Variants in ODR4 observed in about 807,000 individuals in gnomAD.
ODR4 encodes protein odr-4 homolog.
Under a neutral mutation model 60.2 loss-of-function variants are expected in ODR4, and 47 were observed. That is an observed-to-expected ratio of 0.78 (90% confidence interval 0.62 to 1.00). The LOEUF (loss-of-function observed/expected upper bound fraction) is 1.00, where lower values mean the gene tolerates loss of function less well. Among genes scored for constraint, ODR4 ranks in the 50% least tolerant of loss-of-function variants. ODR4 has a pLI of 0.00. For missense variants in ODR4, 488 were observed against 530.8 expected, an observed-to-expected ratio of 0.92 and a Z score of 0.79; for synonymous variants, 178 against 175.5, an observed-to-expected ratio of 1.01 and a Z score of -0.11.
chr1:186,419,299 T>G lies in ODR4; in HGVS notation c.*223T>G, dbSNP rs1661697233. 1 of 548,480 alleles carries G rather than the reference T, an allele frequency of 1.8e-6. No individual in the cohort carries two copies. 34.0% of individuals were successfully genotyped at this position (548,480 alleles called of 1,614,324 possible). A position where few individuals can be genotyped will look rare whatever the true frequency, so the allele number is the denominator to read the frequency against. On this transcript the variant is annotated 3_prime_UTR_variant, in exon 14 of 14. Coordinates refer to ENST00000287859, the MANE Select transcript of ODR4 (RefSeq NM_017847.6). ...ATTTCCAGAAATAACGTTATGCATCTAGATGGAAGCTGCATGTAACAAATC... is the reference window on the plus strand; with the variant it reads ...ATTTCCAGAAATAACGTTATGCATCGAGATGGAAGCTGCATGTAACAAATC...
chr1:186,403,345 T>C (rs1242531167), intron 11 of ODR4, among the ~76,000 whole-genome samples: 1 of 152,028 alleles, frequency 6.6e-6, no homozygotes, highest in South Asian at 2.1e-4. Context: ...AAAATAATCA[T>C]CATGGAGAAT....
At chr1:186,389,904 C>A (rs868003443) in intron 6 of ODR4, among the ~76,000 whole-genome samples, 5 of 152,224 alleles carry the variant, frequency 3.3e-5, no homozygotes, top group Non-Finnish European at 4.4e-5. Context: ...CCTCCCACCT[C>A]AGCCTCTTGA....
chr1:186,394,144 T>A, intron 9 of ODR4, 129 bp downstream of exon 9: 1 of 591,994 alleles, frequency 1.7e-6, no homozygotes, highest in Non-Finnish European at 2.9e-6. Context: ...AAATGGCTGG[T>A]TATAGGAAGG....
chr1:186,396,640 C>CA (rs1381461849), intron 9 of ODR4, among the ~76,000 whole-genome samples: 4 of 151,000 alleles, frequency 2.6e-5, no homozygotes, highest in African/African-American at 7.3e-5. Context: ...ACCAACCAAC[C>CA]AAAAAAATAC....
At chr1:186,389,498 G>T (rs893585660) in intron 5 of ODR4, 90 bp from the exon 6 acceptor site, 2 of 982,122 alleles carry the variant, frequency 2.0e-6, no homozygotes, top group Non-Finnish European at 1.5e-6. Flanking sequence ...TTTTGGATGC[G>T]TGCATTTTTT....
At chr1:186,398,523 T>C in intron 10 of ODR4, 82 bp downstream of exon 10, 1 of 1,333,662 alleles carries the variant, frequency 7.5e-7, no homozygotes, top group Non-Finnish European at 1.0e-6. Context: ...TAATCTTATA[T>C]TTTGTAATTA....
intron 9 of ODR4, among the ~76,000 whole-genome samples, chr1:186,395,090 G>C (rs1256655969): frequency 6.6e-6 from 1 of 152,104 alleles, no homozygotes; most frequent in African/African-American, 2.4e-5. Flanking sequence ...ATTTATTGTA[G>C]TAGTAATATT....
At position 186,398,850 on chromosome 1, in the gene ODR4, G is replaced by A. The variant is rs543281497; in HGVS notation, c.910-104G>A. On this transcript the variant is annotated intron_variant, in intron 10 of 13. Coordinates refer to ENST00000287859, the MANE Select transcript of ODR4 (RefSeq NM_017847.6). ...TGAATGATGTATCAGTTATTTAGTG[G>A]GCATGATTGTACTGGAAAGCAAATT... The A allele has an allele frequency of 6.9e-5, 48 of 699,676 alleles. 1 individual carries two copies. Among genetic ancestry groups the A allele is most frequent in the African/African-American group, 5.1e-4 (28 of 54,664 alleles). 43.3% of individuals were successfully genotyped at this position (699,676 alleles called of 1,614,324 possible).
At chr1:186,403,564 G>T (rs1040917662) in intron 11 of ODR4, among the ~76,000 whole-genome samples, 1 of 151,694 alleles carries the variant, frequency 6.6e-6, no homozygotes, top group African/African-American at 2.4e-5. Flanking sequence ...GCATGAGGAA[G>T]TCTGTTAAGG....
intron 12 of ODR4, among the ~76,000 whole-genome samples, chr1:186,411,309 T>C (rs1228142710): frequency 2.6e-5 from 4 of 152,162 alleles, no homozygotes; most frequent in Admixed American, 2.0e-4. Context: ...GTACTACTTC[T>C]ATGTTTCACT....
At chr1:186,418,861 T>C (rs1330297604) in intron 13 of ODR4, 148 bp from the exon 14 acceptor site, 2 of 638,864 alleles carry the variant, frequency 3.1e-6, no homozygotes, top group East Asian at 5.5e-5. Context: ...TGCCTTTTAG[T>C]ATATACATAT....
At position 186,418,991 on chromosome 1, in the gene ODR4, T is replaced by C. The variant is rs903000650; in HGVS notation, c.1298-18T>C. The C allele has an allele frequency of 1.3e-6, 2 of 1,593,622 alleles. No homozygotes were observed. Among genetic ancestry groups the C allele is most frequent in the Middle Eastern group, 1.7e-4 (1 of 6,030 alleles). ...GCTCATTCCATTTTCATTTGTTCTG[T>C]GTTTGTTTTACTTTTAGGTGTGATT... On this transcript the variant is annotated intron_variant, in intron 13 of 13. Transcript: ENST00000287859.
At chr1:186,398,776 A>G (rs1479695579) in intron 10 of ODR4, among the ~76,000 whole-genome samples, 178 bp from the exon 11 acceptor site, 1 of 152,240 alleles carries the variant, frequency 6.6e-6, no homozygotes, top group Non-Finnish European at 1.5e-5. Flanking sequence ...ATTTATCATT[A>G]AACTATAAAT....
intron 3 of ODR4, among the ~76,000 whole-genome samples, 161 bp downstream of exon 3, chr1:186,383,317 A>T (rs546934382): frequency 6.6e-6 from 1 of 152,240 alleles, no homozygotes; most frequent in Non-Finnish European, 1.5e-5. Context: ...TGTTGGCATT[A>T]CACGAGGAAG....
At chr1:186,409,450 T>A (rs888384927) in intron 12 of ODR4, among the ~76,000 whole-genome samples, 2 of 152,268 alleles carry the variant, frequency 1.3e-5, no homozygotes, top group African/African-American at 4.8e-5. Context: ...ATTCAGTAGA[T>A]ATTTGTTGAC....
the ODR4 span, among the ~76,000 whole-genome samples, chr1:186,430,154 A>C: frequency 6.6e-6 from 1 of 152,034 alleles, no homozygotes; most frequent in Admixed American, 6.5e-5. Context: ...TCATAAGGAC[A>C]CATAGAGTAG....
intron 12 of ODR4, among the ~76,000 whole-genome samples, chr1:186,411,235 T>A (rs1230750445): frequency 1.3e-5 from 2 of 152,094 alleles, no homozygotes; most frequent in Non-Finnish European, 2.9e-5. Context: ...TTTCAGAATT[T>A]AAAAAAATCT....
chr1:186,415,476 G>T (rs1300352114), intron 12 of ODR4, among the ~76,000 whole-genome samples: 3 of 151,934 alleles, frequency 2.0e-5, no homozygotes, highest in Non-Finnish European at 2.9e-5. Context: ...TGGGGGTGAG[G>T]GTAAATAAAC....
intron 12 of ODR4, among the ~76,000 whole-genome samples, chr1:186,413,766 TTAGGGA>T (rs1279103634): frequency 6.6e-6 from 1 of 152,164 alleles, no homozygotes; most frequent in Non-Finnish European, 1.5e-5. Context: ...AATTTAGGAA[TTAGGGA>T]TAGGAAGAAC....
Sources: allele counts gnomAD v4.1 joint callset (sites outside exome capture counted in the v4.1 genomes callset), GRCh38; gene constraint gnomAD v4.1.1; transcripts MANE v1.5; gene names NCBI Gene and HGNC (gene_info 2026-07-23, HGNC 2026-07-21).